The following TMOD3 variants were observed in gnomAD, a reference collection of about 807,000 sequenced individuals.
TMOD3 encodes tropomodulin-3.
A neutral mutation model predicts 39.2 loss-of-function variants in TMOD3; 20 were observed. That is an observed-to-expected ratio of 0.51 (90% CI 0.36 to 0.74). The LOEUF (loss-of-function observed/expected upper bound fraction) is 0.74, where lower values mean the gene tolerates loss of function less well. Ranked by LOEUF, TMOD3 falls within the 30% of genes least tolerant of loss-of-function variation. The probability of loss-of-function intolerance (pLI) is 0.00; values close to 1 mark genes in which losing one functional copy is unlikely to be tolerated. For synonymous variants in TMOD3, 143 were observed against 145.8 expected (o/e 0.98, Z 0.14); for missense variants, 381 against 412.8 (o/e 0.92, Z 0.67).
At chr15:51,840,459 T>G (rs2056307743) in intron 1 of TMOD3, among the ~76,000 whole-genome samples, 1 of 152,212 alleles carries the variant, frequency 6.6e-6, no homozygotes, top group African/African-American at 2.4e-5. Context: ...ATATATGTTA[T>G]CCTCATTTAA....
chr15:51,852,081 A>T (rs1007222256), intron 1 of TMOD3, among the ~76,000 whole-genome samples: 1 of 152,136 alleles, frequency 6.6e-6, no homozygotes, highest in Non-Finnish European at 1.5e-5. Context: ...TTTTGTCTGT[A>T]TGCCACTTTT....
At chr15:51,858,258 T>G (rs1481472259) in intron 1 of TMOD3, 2 of 152,204 alleles carry the variant, frequency 1.3e-5, no homozygotes, top group Non-Finnish European at 2.9e-5. Context: ...CTCACTGTGT[T>G]GCCCAGGCTA....
chr15:51,895,272 A>G (rs2056614875), intron 6 of TMOD3, among the ~76,000 whole-genome samples: 1 of 148,042 alleles, frequency 6.8e-6, no homozygotes, highest in Non-Finnish European at 1.5e-5. Context: ...GCTGGAGTGC[A>G]GTGGTGCGAT....
intron 9 of TMOD3, among the ~76,000 whole-genome samples, chr15:51,903,518 G>A (rs2056663488): frequency 6.6e-6 from 1 of 152,208 alleles, no homozygotes; most frequent in Non-Finnish European, 1.5e-5. Flanking sequence ...AGATCACGTG[G>A]AAAATATTAG....
chr15:51,868,201 A>G (rs1676662711), intron 2 of TMOD3, among the ~76,000 whole-genome samples: 1 of 152,356 alleles, frequency 6.6e-6, no homozygotes, highest in South Asian at 2.1e-4. Flanking sequence ...AATGGAAGTC[A>G]TGAAGGAATA....
intron 3 of TMOD3, among the ~76,000 whole-genome samples, chr15:51,881,388 A>G (rs762662794): frequency 1.3e-5 from 2 of 152,044 alleles, no homozygotes; most frequent in Non-Finnish European, 2.9e-5. Context: ...TATTCAGCAG[A>G]TTATCTTTTC....
At chr15:51,858,266 C>T (rs902932258) in intron 1 of TMOD3, 7 of 152,168 alleles carry the variant, frequency 4.6e-5, no homozygotes, top group Non-Finnish European at 1.0e-4. Context: ...GTTGCCCAGG[C>T]TAGTTTCAAA....
intron 3 of TMOD3, among the ~76,000 whole-genome samples, chr15:51,885,393 A>G (rs181592956): frequency 6.6e-6 from 1 of 151,604 alleles, no homozygotes; most frequent in Non-Finnish European, 1.5e-5. Flanking sequence ...GCAGACAAAC[A>G]TGTGAACAAG....
At chr15:51,881,657 G>A (rs1442580942) in intron 3 of TMOD3, among the ~76,000 whole-genome samples, 13 of 146,934 alleles carry the variant, frequency 8.8e-5, no homozygotes, top group African/African-American at 2.3e-4. Context: ...CGCCTCCTGG[G>A]TTCAAGCGAT....
chr15:51,887,644 G>C lies in TMOD3; in HGVS notation c.339G>C (p.Val113=). 6.2e-7 allele frequency: 1 copy of C among 1,613,930 alleles called. No individual in the cohort carries two copies. Among genetic ancestry groups the C allele is most frequent in the Non-Finnish European group, 8.5e-7 (1 of 1,179,926 alleles). The change falls in exon 4 of 10, where the codon GTG becomes GTC. Residue 113 remains valine, a synonymous_variant. Coordinates refer to ENST00000308580, the MANE Select transcript of TMOD3 (RefSeq NM_014547.5). Reference sequence around the variant, plus strand: ...TACAGACTTTTACAGAAGAAAAAGTGTCTCTTGATCCAGAATTAGAAGAAG... The same window carrying C: ...TACAGACTTTTACAGAAGAAAAAGTCTCTCTTGATCCAGAATTAGAAGAAG... ...KPVQTFTEEK[V]SLDPELEEAL... is the part of the protein sequence containing the mutation.
chr15:51,837,145 G>A (rs1327019247), intron 1 of TMOD3, among the ~76,000 whole-genome samples: 1 of 152,130 alleles, frequency 6.6e-6, no homozygotes, highest in Non-Finnish European at 1.5e-5. Flanking sequence ...ATTCTTTTGA[G>A]CAGGATATTA....
intron 1 of TMOD3, among the ~76,000 whole-genome samples, chr15:51,844,080 G>C (rs1335671373): frequency 6.6e-6 from 1 of 151,832 alleles, no homozygotes; most frequent in Non-Finnish European, 1.5e-5. Context: ...TGATTGAATT[G>C]TCCTTTAAAT....
rs1306924415 is a variant in TMOD3, at chr15:51,911,296, A to C, written c.*2486A>C. 6.6e-6 allele frequency: 1 copy of C among 152,216 alleles called. No homozygotes were observed. Among genetic ancestry groups the C allele is most frequent in the Non-Finnish European group, 1.5e-5 (1 of 68,042 alleles). The allele number at this position is 152,216 out of a possible 1,614,324, so 9.4% of individuals were successfully genotyped here. On this transcript the variant is annotated 3_prime_UTR_variant, in exon 10 of 10. Coordinates refer to ENST00000308580, the MANE Select transcript of TMOD3 (RefSeq NM_014547.5). ...TATCTTTTTCATATATTATTTATCA[A>C]AGTATGAAGTTGAGTATTTTGCTTG... is the stretch of plus-strand genomic sequence containing the variant.
At chr15:51,870,645 G>T (rs552862303) in intron 3 of TMOD3, among the ~76,000 whole-genome samples, 2 of 152,154 alleles carry the variant, frequency 1.3e-5, no homozygotes, top group African/African-American at 2.4e-5. Context: ...TAGGTAAGCC[G>T]TAAGCTCTGC....
intron 1 of TMOD3, among the ~76,000 whole-genome samples, chr15:51,856,271 AAAAC>A (rs1263336059): frequency 2.6e-5 from 4 of 152,224 alleles, no homozygotes; most frequent in South Asian, 4.1e-4. Context: ...TTAAAAAACA[AAAAC>A]AAACAAACAA....
intron 1 of TMOD3, among the ~76,000 whole-genome samples, chr15:51,838,541 C>G (rs1021581197): frequency 1.3e-5 from 2 of 152,140 alleles, no homozygotes; most frequent in African/African-American, 4.8e-5. Flanking sequence ...TTGAAAGTCT[C>G]TGTCCTCTCT....
At chr15:51,885,625 A>G (rs1157760572) in intron 3 of TMOD3, among the ~76,000 whole-genome samples, 2 of 152,242 alleles carry the variant, frequency 1.3e-5, no homozygotes, top group African/African-American at 2.4e-5. Flanking sequence ...ATAGATTAAC[A>G]GCATCCCAAG....
At chr15:51,871,434 G>C (rs1457547963) in intron 3 of TMOD3, among the ~76,000 whole-genome samples, 1 of 152,162 alleles carries the variant, frequency 6.6e-6, no homozygotes, top group Non-Finnish European at 1.5e-5. Flanking sequence ...GGTGGACCCT[G>C]GGGGTATAAT....
At position 51,867,151 on chromosome 15, in the gene TMOD3, G is replaced by A. The variant is rs534382299; in HGVS notation, c.127-2066G>A. On this transcript the variant is annotated intron_variant, in intron 2 of 9. Coordinates refer to ENST00000308580, the MANE Select transcript of TMOD3 (RefSeq NM_014547.5). ...GATGAGGCTAGGGTGACAGACTGAG[G>A]GGCTGGTGGTGAAGGATAAAAAATA... Among the ~76,000 whole-genome samples, 7 of 152,164 alleles carry A rather than the reference G, an allele frequency of 4.6e-5. No individual in the cohort carries two copies. The South Asian group carries it at 1.5e-3, about 32-fold the overall frequency.
Sources: allele counts gnomAD v4.1 joint callset (sites outside exome capture counted in the v4.1 genomes callset), GRCh38; gene constraint gnomAD v4.1.1; transcripts MANE v1.5; gene names NCBI Gene and HGNC (gene_info 2026-07-23, HGNC 2026-07-21).